PSMG2: variants seen among roughly 807,000 people sequenced by gnomAD.
PSMG2 encodes proteasome assembly chaperone 2, also known as CD40 ligand-activated specific transcript 3.
In PSMG2, 21 loss-of-function variants were observed where a neutral mutation model predicts 31.5. That is an observed-to-expected ratio of 0.67 (90% CI 0.47 to 0.96). The LOEUF (loss-of-function observed/expected upper bound fraction) is 0.96, where lower values mean the gene tolerates loss of function less well. PSMG2 is among the 40% of genes least tolerant of loss of function. PSMG2 has a pLI of 0.00. For synonymous variants in PSMG2, 120 were observed against 110.4 expected (o/e 1.09, Z -0.54); for missense variants, 318 against 321.2 (o/e 0.99, Z 0.08).
At chr18:12,705,546 AGAGAGAG>A (rs1030195017) in intron 1 of PSMG2, among the ~76,000 whole-genome samples, 1 of 42,368 alleles carries the variant, frequency 2.4e-5, no homozygotes, top group African/African-American at 6.4e-5. Flanking sequence ...CATGGGAAAA[AGAGAGAG>A]AGAGAGAGAG....
At chr18:12,723,133 CAG>C (rs1312312564) in intron 5 of PSMG2, among the ~76,000 whole-genome samples, 1 of 152,248 alleles carries the variant, frequency 6.6e-6, no homozygotes, top group Non-Finnish European at 1.5e-5. Context: ...ATGTATATAT[CAG>C]AGTCTCCTCG....
chr18:12,674,224 C>A (rs2039037284), intron 1 of PSMG2, among the ~76,000 whole-genome samples: 1 of 151,702 alleles, frequency 6.6e-6, no homozygotes, highest in African/African-American at 2.4e-5. Flanking sequence ...ACTGCTTGAG[C>A]CCAGGAGTTC....
chr18:12,668,381 C>T (rs2038848870), intron 1 of PSMG2, among the ~76,000 whole-genome samples: 1 of 151,832 alleles, frequency 6.6e-6, no homozygotes. Flanking sequence ...CACTTGAGAT[C>T]AGGAGTTTGA....
intron 1 of PSMG2, among the ~76,000 whole-genome samples, chr18:12,664,325 C>T (rs1330637331): frequency 2.6e-5 from 4 of 152,124 alleles, no homozygotes; most frequent in East Asian, 3.9e-4. Flanking sequence ...GGGTGGATCA[C>T]GAGGCCAGGA....
At position 12,705,560 on chromosome 18, in the gene PSMG2, A is replaced by T. The variant is rs1371483009; in HGVS notation, c.58-990A>T. On this transcript the variant is annotated intron_variant, in intron 1 of 6. Coordinates refer to ENST00000317615, the MANE Select transcript of PSMG2 (RefSeq NM_020232.5). ...TCATGGGAAAAAGAGAGAGAGAGAGAGAGAGAGAGAGAGAGAGTGTGTGTG... is the reference window on the plus strand; with the variant it reads ...TCATGGGAAAAAGAGAGAGAGAGAGTGAGAGAGAGAGAGAGAGTGTGTGTG... 1.4e-4 allele frequency among the ~76,000 whole-genome samples: 19 copies of T among 135,240 alleles called. 1 individual carries two copies. Among genetic ancestry groups the T allele is most frequent in the African/African-American group, 5.7e-4 (19 of 33,616 alleles). The allele number at this position is 135,240 out of a possible 152,430, so 88.7% of individuals were successfully genotyped here. A position where few individuals can be genotyped will look rare whatever the true frequency, so the allele number is the denominator to read the frequency against.
chr18:12,697,467 AAAG>A (rs1283397805), intron 1 of PSMG2: 2 of 1,120,786 alleles, frequency 1.8e-6, no homozygotes, highest in Admixed American at 5.0e-5. Context: ...GGCCAACATA[AAAG>A]AATACTTTTA....
At position 12,725,581 on chromosome 18, in the gene PSMG2, G is replaced by A; in HGVS notation, c.*50G>A. 1 of 1,371,724 alleles carries A rather than the reference G, an allele frequency of 7.3e-7. No homozygotes were observed. Among genetic ancestry groups the A allele is most frequent in the South Asian group, 1.2e-5 (1 of 80,426 alleles). 85.0% of individuals were successfully genotyped at this position (1,371,724 alleles called of 1,614,324 possible). On this transcript the variant is annotated 3_prime_UTR_variant, in exon 7 of 7. Transcript: ENST00000317615. The stretch of plus-strand genomic sequence containing the variant: ...ACCCAAAACACTTACTACCAACACA[G>A]CTGTTAAACATTCTATACAAAAAAA...
intron 3 of PSMG2, among the ~76,000 whole-genome samples, chr18:12,714,516 GTCTC>G (rs2040360218): frequency 6.7e-6 from 1 of 148,828 alleles, no homozygotes; most frequent in East Asian, 2.0e-4. Context: ...TTGAAACAGG[GTCTC>G]TCTTGCTCTG....
In PSMG2 at chr18:12,720,666, A is replaced by C. The variant is rs759171486; in HGVS notation, c.564A>C (p.Lys188Asn). ...GCATTCCGGGAGGAGGTATCACAAA[A>C]ACACTCTATGATGAAAGGTGAGTTT... is the stretch of plus-strand genomic sequence containing the variant. ...CIRIPGGGIT[K>N]TLYDESCSKE... The change falls in exon 5 of 7, where the codon AAA becomes AAC. Residue 188 changes from lysine (K) to asparagine (N), a missense_variant. Physicochemically the swap from Lys to Asn is moderately conservative, Grantham distance 94 (BLOSUM62 0). Transcript: ENST00000317615. 50 of 1,610,764 alleles carry C rather than the reference A, an allele frequency of 3.1e-5. No homozygotes were observed. Among genetic ancestry groups the C allele is most frequent in the Non-Finnish European group, 4.1e-5 (48 of 1,179,228 alleles).
intron 1 of PSMG2, among the ~76,000 whole-genome samples, chr18:12,676,893 A>G (rs1183011971): frequency 6.6e-6 from 1 of 152,182 alleles, no homozygotes; most frequent in Non-Finnish European, 1.5e-5. Context: ...CAAAGAACAC[A>G]GAAAACAGGG....
At chr18:12,669,889 T>A (rs535730626) in intron 1 of PSMG2, among the ~76,000 whole-genome samples, 2 of 149,418 alleles carry the variant, frequency 1.3e-5, no homozygotes, top group African/African-American at 5.0e-5. Context: ...CCCAGCTACT[T>A]GGGAGGCTGA....
intron 1 of PSMG2, chr18:12,674,811 C>G (rs908935465): frequency 3.7e-6 from 4 of 1,094,282 alleles, no homozygotes; most frequent in Non-Finnish European, 5.2e-6. Context: ...TTAAAACCAA[C>G]TAAATAAAAA....
At chr18:12,670,659 A>T (rs2038919374) in intron 1 of PSMG2, 2 of 111,720 alleles carry the variant, frequency 1.8e-5, no homozygotes, top group Non-Finnish European at 3.5e-5. Context: ...GGTTTTTTTT[A>T]ACTTTTTTAA....
intron 1 of PSMG2, chr18:12,686,508 T>C: frequency 8.1e-7 from 1 of 1,239,906 alleles, no homozygotes; most frequent in Non-Finnish European, 1.1e-6. Flanking sequence ...AATTATGTTT[T>C]TTTCAAATAC....
chr18:12,717,315 T>C (rs1008522913), intron 3 of PSMG2, among the ~76,000 whole-genome samples: 3 of 152,072 alleles, frequency 2.0e-5, no homozygotes, highest in African/African-American at 7.3e-5. Context: ...CCTGCATTTC[T>C]CTTACCTGCA....
intron 2 of PSMG2, among the ~76,000 whole-genome samples, chr18:12,710,620 T>G (rs1016689913): frequency 6.6e-6 from 1 of 152,204 alleles, no homozygotes; most frequent in African/African-American, 2.4e-5. Flanking sequence ...ATTTGTCTGA[T>G]TACGTCCTCT....
At chr18:12,706,754 A>G (rs1005505333) in intron 2 of PSMG2, 33 bp downstream of exon 2, 8 of 1,552,182 alleles carry the variant, frequency 5.2e-6, no homozygotes, top group African/African-American at 1.4e-5. Flanking sequence ...TTTTTCCACT[A>G]CAAAGTAGAG....
At chr18:12,705,788 T>C (rs1480032390) in intron 1 of PSMG2, among the ~76,000 whole-genome samples, 18 of 152,170 alleles carry the variant, frequency 1.2e-4, no homozygotes, top group Admixed American at 1.2e-3. Flanking sequence ...TTCAGGTCTC[T>C]AGTCATTTGT....
upstream of PSMG2, chr18:12,699,914 G>A (rs757214158): frequency 2.6e-6 from 4 of 1,549,438 alleles, no homozygotes; most frequent in Admixed American, 4.0e-5. Context: ...TCCTAGAAAG[G>A]CAGGAAAAAA....
Sources: gnomAD v4.1 joint callset for allele counts (sites outside exome capture counted in the v4.1 genomes callset) on GRCh38, gnomAD v4.1.1 for gene constraint, MANE v1.5 for transcripts, NCBI Gene and HGNC (gene_info 2026-07-23, HGNC 2026-07-21) for gene names.